Variants in AUTS2 observed in about 807,000 individuals in gnomAD.
AUTS2 encodes the protein autism susceptibility gene 2 protein.
In AUTS2, 17 loss-of-function variants were observed where a neutral mutation model predicts 112.4. That is an observed-to-expected ratio of 0.15 (90% CI 0.10 to 0.23). The LOEUF is 0.23. Among genes scored for constraint, AUTS2 ranks in the 10% least tolerant of loss-of-function variants. AUTS2 has a pLI of 1.00. For synonymous variants in AUTS2, 751 were observed against 702.7 expected, an observed-to-expected ratio of 1.07 and a Z score of -1.09; for missense variants, 1,510 against 1,701.6, an observed-to-expected ratio of 0.89 and a Z score of 1.98.
At chr7:69,980,684 C>G (rs1481244915) in intron 2 of AUTS2, among the ~76,000 whole-genome samples, 1 of 152,038 alleles carries the variant, frequency 6.6e-6, no homozygotes, top group Non-Finnish European at 1.5e-5. Context: ...TCATGTAGAG[C>G]AGCGGTTTGC....
At chr7:70,607,199 T>C (rs377600274) in intron 5 of AUTS2, among the ~76,000 whole-genome samples, 1 of 151,964 alleles carries the variant, frequency 6.6e-6, no homozygotes. Flanking sequence ...TTACAGTTCC[T>C]TTAGTAGCTG....
intron 4 of AUTS2, among the ~76,000 whole-genome samples, chr7:70,309,698 C>T (rs1789649488): frequency 1.3e-5 from 2 of 152,004 alleles, no homozygotes; most frequent in South Asian, 4.1e-4. Context: ...TTTATGTAGT[C>T]TTTAAAAAAA....
chr7:69,760,819 C>CA (rs1292311345), intron 1 of AUTS2, among the ~76,000 whole-genome samples: 1 of 152,086 alleles, frequency 6.6e-6, no homozygotes, highest in Non-Finnish European at 1.5e-5. Flanking sequence ...GACTCCGTCT[C>CA]AAAAAATAAT....
intron 9 of AUTS2, 70 bp from the exon 10 acceptor site, chr7:70,767,954 G>T: frequency 6.7e-7 from 1 of 1,487,970 alleles, no homozygotes; most frequent in Non-Finnish European, 9.3e-7. Flanking sequence ...GCTTTGTAGG[G>T]CCACCTCCAC....
chr7:69,661,398 G>T (rs1795786389), intron 1 of AUTS2, among the ~76,000 whole-genome samples: 1 of 152,208 alleles, frequency 6.6e-6, no homozygotes, highest in Non-Finnish European at 1.5e-5. Flanking sequence ...AGACCAAGGT[G>T]GTTGGGGGAG....
chr7:69,899,652 A>C (rs1047195686), intron 2 of AUTS2, among the ~76,000 whole-genome samples, 154 bp downstream of exon 2: 16 of 152,214 alleles, frequency 1.1e-4, no homozygotes, highest in African/African-American at 3.9e-4. Context: ...CTTTAAAAGA[A>C]TCTAAAACCC....
intron 3 of AUTS2, among the ~76,000 whole-genome samples, chr7:70,133,612 G>A (rs1806390853): frequency 6.6e-6 from 1 of 152,104 alleles, no homozygotes. Context: ...AAGCCTGGCT[G>A]GTGCAGGGAT....
intron 2 of AUTS2, among the ~76,000 whole-genome samples, chr7:70,050,664 C>T (rs374480239): frequency 1.9e-4 from 29 of 152,232 alleles, no homozygotes; most frequent in Non-Finnish European, 3.2e-4. Context: ...TTCCCCATCC[C>T]ACTCCAGATT....
chr7:70,361,264 C>T (rs1356209296), intron 4 of AUTS2, among the ~76,000 whole-genome samples: 2 of 151,538 alleles, frequency 1.3e-5, no homozygotes, highest in Non-Finnish European at 1.5e-5. Context: ...ACACGGGAGG[C>T]GGAGCTTGCA....
intron 2 of AUTS2, among the ~76,000 whole-genome samples, chr7:70,105,529 A>G (rs1173973687): frequency 6.6e-6 from 1 of 152,158 alleles, no homozygotes; most frequent in Non-Finnish European, 1.5e-5. Flanking sequence ...AAGTGCTGAG[A>G]TTACAGGCAT....
chr7:70,030,724 T>A (rs564619518), intron 2 of AUTS2, among the ~76,000 whole-genome samples: 2 of 152,322 alleles, frequency 1.3e-5, no homozygotes, highest in South Asian at 4.1e-4. Context: ...CTCTGGTGTA[T>A]AATAGTAAAA....
chr7:70,563,513 T>C (rs1165572725), intron 5 of AUTS2, among the ~76,000 whole-genome samples: 1 of 152,242 alleles, frequency 6.6e-6, no homozygotes, highest in Non-Finnish European at 1.5e-5. Flanking sequence ...TAACGGATTC[T>C]GTTTCTCACT....
Position 70,333,300 on chromosome 7 carries a change from G to A in AUTS2, c.661-102452G>A, listed in dbSNP as rs567851310. Among the ~76,000 whole-genome samples, 31 of 152,250 alleles carry A rather than the reference G, an allele frequency of 2.0e-4. No homozygotes were observed. The Middle Eastern group carries it at 0.014, about 67-fold the overall frequency. ...TAGAATGGCAATCATTAAAAAGTCA[G>A]GAAACAACAGATGCTGGAGAGGATG... On this transcript the variant is annotated intron_variant, in intron 4 of 18. Coordinates refer to ENST00000342771, the MANE Select transcript of AUTS2 (RefSeq NM_015570.4).
At chr7:70,760,346 G>A (rs1789494484) in intron 6 of AUTS2, among the ~76,000 whole-genome samples, 1 of 152,226 alleles carries the variant, frequency 6.6e-6, no homozygotes, top group Non-Finnish European at 1.5e-5. Context: ...ATTGTACCAA[G>A]CATAAAAATC....
intron 4 of AUTS2, among the ~76,000 whole-genome samples, chr7:70,431,615 A>G (rs569192367): frequency 5.1e-4 from 77 of 152,070 alleles, no homozygotes; most frequent in African/African-American, 1.8e-3. Context: ...CAAACTCCTG[A>G]CCTCATGATC....
intron 4 of AUTS2, among the ~76,000 whole-genome samples, chr7:70,169,942 T>C (rs1265632777): frequency 6.6e-6 from 1 of 152,154 alleles, no homozygotes; most frequent in African/African-American, 2.4e-5. Context: ...TGCTTAATTT[T>C]GTAACATTGC....
chr7:69,992,351 C>T (rs1211498663), intron 2 of AUTS2, among the ~76,000 whole-genome samples: 1 of 152,164 alleles, frequency 6.6e-6, no homozygotes, highest in Non-Finnish European at 1.5e-5. Context: ...TATCCTTCTA[C>T]TGGAAACTTT....
intron 4 of AUTS2, among the ~76,000 whole-genome samples, chr7:70,250,657 C>G (rs1270371959): frequency 6.6e-6 from 1 of 152,206 alleles, no homozygotes; most frequent in African/African-American, 2.4e-5. Flanking sequence ...AAACATGGTA[C>G]ATATACATCA....
intron 1 of AUTS2, among the ~76,000 whole-genome samples, chr7:69,693,721 A>T (rs1797441750): frequency 6.6e-6 from 1 of 152,216 alleles, no homozygotes; most frequent in Admixed American, 6.5e-5. Flanking sequence ...CAAAATTTAG[A>T]GAATTTGAGA....
Sources: allele counts gnomAD v4.1 joint callset (sites outside exome capture counted in the v4.1 genomes callset), GRCh38; gene constraint gnomAD v4.1.1; transcripts MANE v1.5; gene names NCBI Gene and HGNC (gene_info 2026-07-23, HGNC 2026-07-21).